The following MAGED1 variants were observed in gnomAD, a reference collection of about 807,000 sequenced individuals.
MAGED1 encodes the protein MAGE family member D1, also known as melanoma-associated antigen D1.
A neutral mutation model predicts 54.1 loss-of-function variants in MAGED1; 3 were observed. The ratio of observed to expected loss-of-function variants is 0.06; its 90% CI spans 0.03 to 0.14. The LOEUF (loss-of-function observed/expected upper bound fraction) is 0.14, where lower values mean the gene tolerates loss of function less well. Ranked by LOEUF, MAGED1 falls within the 10% of genes least tolerant of loss-of-function variation. The pLI is 1.00. For synonymous variants in MAGED1, 217 were observed against 227.3 expected (o/e 0.95, Z 0.41); for missense variants, 485 against 623.4 (o/e 0.78, Z 2.36).
At chrX:51,828,073 G>C (rs1189537083) in intron 1 of MAGED1, among the ~76,000 whole-genome samples, 3 of 111,799 alleles carry the variant, frequency 2.7e-5, no homozygotes, top group Non-Finnish European at 5.7e-5. Flanking sequence ...CTAAAATTTT[G>C]ATTGGAATTG....
At chrX:51,841,517 A>G (rs1295175061) in intron 1 of MAGED1, among the ~76,000 whole-genome samples, 4 of 111,284 alleles carry the variant, frequency 3.6e-5, no homozygotes, top group African/African-American at 1.3e-4. Context: ...GCCCATGCCT[A>G]TGTCCTGAAT....
intron 1 of MAGED1, among the ~76,000 whole-genome samples, chrX:51,865,370 T>C (rs1927424884): frequency 8.9e-6 from 1 of 112,156 alleles, no homozygotes; most frequent in Non-Finnish European, 1.9e-5. Context: ...GATGAGTTGA[T>C]TAAATTAATG....
intron 1 of MAGED1, among the ~76,000 whole-genome samples, chrX:51,849,080 G>A (rs1388433071): frequency 1.8e-5 from 2 of 108,435 alleles, no homozygotes; most frequent in South Asian, 4.0e-4. Context: ...ATTTCTTTTT[G>A]TAGAAAAGAA....
At chrX:51,804,788 A>G in intron 1 of MAGED1, among the ~76,000 whole-genome samples, 1 of 111,974 alleles carries the variant, frequency 8.9e-6, no homozygotes, top group South Asian at 3.8e-4. Context: ...TTTAGATAGG[A>G]TGGGCAGGAA....
At chrX:51,857,541 G>C (rs1927130375) in intron 1 of MAGED1, 1 of 112,026 alleles carries the variant, frequency 8.9e-6, no homozygotes, top group African/African-American at 3.2e-5. Context: ...AGGGTATCTG[G>C]AGATAACAGA....
chrX:51,806,790 A>ATT (rs141901720), intron 1 of MAGED1, among the ~76,000 whole-genome samples: 1 of 99,449 alleles, frequency 1.0e-5, no homozygotes, highest in Non-Finnish European at 2.0e-5. Context: ...TCCTAACATA[A>ATT]TTTTTTTTTT....
At chrX:51,892,127 AATTTTGG>A (rs1928460710), upstream of MAGED1, among the ~76,000 whole-genome samples, 8 of 112,231 alleles carry the variant, frequency 7.1e-5, no homozygotes, top group Non-Finnish European at 1.5e-4. Flanking sequence ...ATCTGTCTTG[AATTTTGG>A]AACTGTACCA....
At chrX:51,808,902 G>A (rs993946617) in intron 1 of MAGED1, among the ~76,000 whole-genome samples, 3 of 111,524 alleles carry the variant, frequency 2.7e-5, no homozygotes, top group Non-Finnish European at 5.7e-5. Flanking sequence ...TAACCACCAC[G>A]TCATTATTAT....
rs782620361 is a variant in MAGED1, at chrX:51,898,746, T to C, written c.1844+103T>C. On this transcript the variant is annotated intron_variant, in intron 10 of 12. Coordinates refer to ENST00000326587, the MANE Select transcript of MAGED1 (RefSeq NM_006986.4). ...GGCTGGATACAATGGCTCATGCCTG[T>C]AATCCCAGTACTTTGGGAGGCTCAG... 1.3e-5 allele frequency: 10 copies of C among 765,822 alleles called. No individual in the cohort carries two copies. The East Asian group carries it at 2.7e-4, about 21-fold the overall frequency. The allele number at this position is 765,822 out of a possible 1,213,427, so 63.1% of individuals were successfully genotyped here. A position where few individuals can be genotyped will look rare whatever the true frequency, so the allele number is the denominator to read the frequency against.
At chrX:51,875,559 G>A (rs782777833) in intron 1 of MAGED1, among the ~76,000 whole-genome samples, 2 of 111,654 alleles carry the variant, frequency 1.8e-5, no homozygotes, top group South Asian at 7.5e-4. Flanking sequence ...TTTTTGTCAG[G>A]TTGGAGGGCA....
At position 51,814,818 on chromosome X, in the gene MAGED1, G is replaced by A. The variant is rs949260001; in HGVS notation, c.-37+11701G>A. ...AACTAGAACAAGTACCATTATATAT[G>A]GTACATAATACTTGATAATGATAAA... is the stretch of plus-strand genomic sequence containing the variant. On this transcript the variant is annotated intron_variant, in intron 1 of 12. Transcript: ENST00000375772. Among the ~76,000 whole-genome samples, 25 of 109,586 alleles carry A rather than the reference G, an allele frequency of 2.3e-4. 1 individual carries two copies. Among genetic ancestry groups the A allele is most frequent in the Admixed American group, 2.0e-3 (20 of 10,242 alleles).
At chrX:51,885,101 C>G (rs970269363) in intron 1 of MAGED1, among the ~76,000 whole-genome samples, 2 of 111,948 alleles carry the variant, frequency 1.8e-5, no homozygotes, top group Middle Eastern at 9.2e-3. Context: ...TATTGGGTTG[C>G]TGGATCATAT....
intron 9 of MAGED1, 42 bp from the exon 10 acceptor site, chrX:51,898,539 G>A (rs1557364596): frequency 1.8e-6 from 2 of 1,134,932 alleles, no homozygotes; most frequent in Admixed American, 4.8e-5. Flanking sequence ...CTTTGGGCAT[G>A]GTAATAGCCT....
chrX:51,839,992 C>A (rs782551672), intron 1 of MAGED1, among the ~76,000 whole-genome samples: 7 of 111,952 alleles, frequency 6.3e-5, no homozygotes, highest in Admixed American at 2.8e-4. Flanking sequence ...TTTTCAATAA[C>A]GCTAATACAT....
chrX:51,878,973 T>A (rs1433879830), intron 1 of MAGED1, among the ~76,000 whole-genome samples: 2 of 111,458 alleles, frequency 1.8e-5, no homozygotes, highest in Non-Finnish European at 3.8e-5. Context: ...ATGCTATGAT[T>A]TTGTTTTTAT....
At chrX:51,809,302 G>A (rs902853374) in intron 1 of MAGED1, among the ~76,000 whole-genome samples, 2 of 110,623 alleles carry the variant, frequency 1.8e-5, no homozygotes, top group Non-Finnish European at 3.8e-5. Context: ...TTTTAGTAGA[G>A]ACGGGGTTTC....
chrX:51,808,198 T>C (rs1439787281), intron 1 of MAGED1, among the ~76,000 whole-genome samples: 4 of 112,069 alleles, frequency 3.6e-5, no homozygotes, highest in African/African-American at 1.3e-4. Context: ...GATTAATGTA[T>C]TGTTAAGTTT....
intron 1 of MAGED1, among the ~76,000 whole-genome samples, chrX:51,837,093 G>A (rs973733660): frequency 2.7e-5 from 3 of 111,696 alleles, no homozygotes; most frequent in Non-Finnish European, 5.6e-5. Flanking sequence ...AGGGAAGTAC[G>A]CTGGGGCATT....
upstream of MAGED1, among the ~76,000 whole-genome samples, chrX:51,892,568 G>T (rs1360794575): frequency 8.9e-6 from 1 of 112,160 alleles, no homozygotes; most frequent in African/African-American, 3.2e-5. Flanking sequence ...ACCCCAAGGA[G>T]CAATTCCCAC....
Sources: allele counts gnomAD v4.1 joint callset (sites outside exome capture counted in the v4.1 genomes callset), GRCh38; gene constraint gnomAD v4.1.1; transcripts MANE v1.5; gene names NCBI Gene and HGNC (gene_info 2026-07-23, HGNC 2026-07-21).